SUN1: variants seen among roughly 807,000 people sequenced by gnomAD.
SUN1 encodes the protein SUN domain-containing protein 1.
Under a neutral mutation model 103.2 loss-of-function variants are expected in SUN1, and 61 were observed. The observed-to-expected ratio is 0.59, with a 90% CI of 0.48 to 0.73. SUN1 has a LOEUF of 0.73. Among genes scored for constraint, SUN1 ranks in the 30% least tolerant of loss-of-function variants. The probability of loss-of-function intolerance (pLI) is 0.00; values close to 1 mark genes in which losing one functional copy is unlikely to be tolerated. For synonymous variants in SUN1, 490 were observed against 425.7 expected (o/e 1.15, Z -1.86); for missense variants, 1,052 against 1,034.6 (o/e 1.02, Z -0.23).
chr7:856,508 G>T, intron 12 of SUN1, 107 bp downstream of exon 12: 1 of 1,297,306 alleles, frequency 7.7e-7, no homozygotes, highest in Non-Finnish European at 1.1e-6. Flanking sequence ...CCTCCCCCGA[G>T]GGTCACCTGA....
At chr7:869,312 C>G in intron 16 of SUN1, 37 bp from the exon 17 acceptor site, 1 of 1,602,288 alleles carries the variant, frequency 6.2e-7, no homozygotes, top group Non-Finnish European at 8.5e-7. Context: ...TAAGAGCATG[C>G]TCACACTCTG....
upstream of SUN1, among the ~76,000 whole-genome samples, chr7:828,385 C>T (rs1794813593): frequency 6.6e-6 from 1 of 152,026 alleles, no homozygotes; most frequent in African/African-American, 2.4e-5. Context: ...AGTTCTCCTG[C>T]CTCAGCCTCC....
upstream of SUN1, among the ~76,000 whole-genome samples, chr7:830,346 G>C (rs1441236742): frequency 3.3e-5 from 5 of 152,354 alleles, no homozygotes; most frequent in South Asian, 1.0e-3. Context: ...AGAGATAATG[G>C]CCAGGACATT....
At position 874,650 on chromosome 7, in the gene SUN1, A is replaced by C. The variant is rs1390111198; in HGVS notation, c.*1319A>C. 1 of 152,250 alleles carries C rather than the reference A, an allele frequency of 6.6e-6. No individual in the cohort carries two copies. The highest frequency in any genetic ancestry group is 1.5e-5 in the Non-Finnish European group (1 of 68,046). 9.4% of individuals were successfully genotyped at this position (152,250 alleles called of 1,614,324 possible). A position where few individuals can be genotyped will look rare whatever the true frequency, so the allele number is the denominator to read the frequency against. On this transcript the variant is annotated 3_prime_UTR_variant, in exon 19 of 19. Coordinates refer to ENST00000401592, the MANE Select transcript of SUN1 (RefSeq NM_001130965.3). ...GGAACTATGCAGTTAAGGCAGATAA[A>C]ATGTACAGATGTTTCATATATTACA...
intron 1 of SUN1, among the ~76,000 whole-genome samples, chr7:826,992 G>A (rs1313880315): frequency 6.6e-6 from 1 of 152,156 alleles, no homozygotes. Context: ...AAGATGGTGT[G>A]TTGATTTTAT....
In SUN1 at chr7:834,663, C is replaced by T. The variant is rs943906021; in HGVS notation, c.77+2062C>T. ...CCCGCACAGCTGGAAGGTGGAGCGG[C>T]CGTTCCTGATGGCTTTCTGTCTCCA... On this transcript the variant is annotated intron_variant, in intron 1 of 18. Coordinates refer to ENST00000401592, the MANE Select transcript of SUN1 (RefSeq NM_001130965.3). Among the ~76,000 whole-genome samples the T allele has an allele frequency of 8.5e-4, 129 of 152,346 alleles. 1 individual carries two copies. The highest frequency in any genetic ancestry group is 2.2e-4 in the Non-Finnish European group (15 of 68,036).
intron 9 of SUN1, 198 bp downstream of exon 9, chr7:853,150 C>A: frequency 1.3e-6 from 1 of 785,912 alleles, no homozygotes; most frequent in Non-Finnish European, 2.0e-6. Context: ...TCTCATGATT[C>A]AGTTAGTTTT....
At chr7:868,498 G>T (rs1306764505) in intron 16 of SUN1, 2 of 308,156 alleles carry the variant, frequency 6.5e-6, no homozygotes, top group African/African-American at 4.6e-5. Flanking sequence ...CGGATGGGGG[G>T]GCAGTGCTGG....
At chr7:832,271 T>G (rs930225476), upstream of SUN1, among the ~76,000 whole-genome samples, 1 of 152,184 alleles carries the variant, frequency 6.6e-6, no homozygotes, top group African/African-American at 2.4e-5. Flanking sequence ...TCCCCTGGTC[T>G]TTTTCTCAGG....
intron 17 of SUN1, among the ~76,000 whole-genome samples, chr7:871,578 CAG>C (rs1266536062): frequency 6.6e-6 from 1 of 152,184 alleles, no homozygotes; most frequent in Non-Finnish European, 1.5e-5. Flanking sequence ...TTAGTAGAGA[CAG>C]GGTTTCACCA....
chr7:844,821 G>A (rs1406815738), intron 5 of SUN1, among the ~76,000 whole-genome samples: 1 of 152,156 alleles, frequency 6.6e-6, no homozygotes, highest in Non-Finnish European at 1.5e-5. Context: ...CTCGCAGGTA[G>A]GTGGGGGAGC....
intron 1 of SUN1, among the ~76,000 whole-genome samples, chr7:825,202 G>A (rs1409637262): frequency 2.6e-5 from 4 of 152,030 alleles, no homozygotes; most frequent in African/African-American, 9.7e-5. Flanking sequence ...GGGACTACAG[G>A]CGCCCGCCAC....
chr7:850,767 TA>T (rs771076592), intron 5 of SUN1: 5,782 of 125,528 alleles, frequency 0.046, 124 homozygotes, highest in Middle Eastern at 0.06. Context: ...TCTCTTAAAT[TA>T]AAAAAAAAAA....
At chr7:822,250 T>A (rs1786896244) in intron 1 of SUN1, among the ~76,000 whole-genome samples, 1 of 152,268 alleles carries the variant, frequency 6.6e-6, no homozygotes, top group Non-Finnish European at 1.5e-5. Flanking sequence ...TAGTCAGTTT[T>A]ACGGTTTAAA....
rs570838583 is a variant in SUN1, at chr7:843,818, A to C, written c.658+298A>C. On this transcript the variant is annotated intron_variant, in intron 5 of 18. Transcript: ENST00000401592. ...TAAAACTACAGTCACTTTCAGATGC[A>C]CACCTTTATTTTTATAAAACGGCAC... 38 of 1,408,010 alleles carry C rather than the reference A, an allele frequency of 2.7e-5. No homozygotes were observed. In the East Asian group the frequency reaches 8.5e-4, roughly 31 times the overall value. 87.2% of individuals were successfully genotyped at this position (1,408,010 alleles called of 1,614,324 possible). A position where few individuals can be genotyped will look rare whatever the true frequency, so the allele number is the denominator to read the frequency against.
At chr7:841,447 T>G (rs1809826593) in intron 2 of SUN1, among the ~76,000 whole-genome samples, 1 of 151,934 alleles carries the variant, frequency 6.6e-6, no homozygotes, top group Non-Finnish European at 1.5e-5. Context: ...TTTCACCGTG[T>G]TGGCCAGGAT....
At chr7:849,434 C>G in intron 5 of SUN1, 12 of 1,041,470 alleles carry the variant, frequency 1.2e-5, no homozygotes, top group Non-Finnish European at 1.6e-5. Context: ...TGCACATCCT[C>G]TGATCATGTT....
At chr7:853,243 C>T (rs745441759) in intron 9 of SUN1, 166 bp from the exon 10 acceptor site, 140 of 816,264 alleles carry the variant, frequency 1.7e-4, no homozygotes, top group Non-Finnish European at 8.9e-5. Flanking sequence ...CATAGTCAGC[C>T]ATGTAAGGAT....
At chr7:857,796 G>T (rs765312144) in intron 12 of SUN1, 32 bp from the exon 13 acceptor site, 15 of 1,546,200 alleles carry the variant, frequency 9.7e-6, no homozygotes, top group African/African-American at 1.4e-5. Flanking sequence ...TGGGAGGCTT[G>T]TGTGTGACCC....
Sources: allele counts gnomAD v4.1 joint callset (sites outside exome capture counted in the v4.1 genomes callset), GRCh38; gene constraint gnomAD v4.1.1; transcripts MANE v1.5; gene names NCBI Gene and HGNC (gene_info 2026-07-23, HGNC 2026-07-21).